The following GREM2 variants were observed in gnomAD, a reference collection of about 807,000 sequenced individuals.
GREM2 encodes gremlin 2, DAN family BMP antagonist, also known as gremlin-2.
GREM2 carries 11 observed loss-of-function variants against 14.2 expected under a neutral mutation model. The observed-to-expected ratio is 0.78, with a 90% CI of 0.49 to 1.28. The LOEUF (loss-of-function observed/expected upper bound fraction) is 1.28. GREM2 is among the 50% of genes most tolerant of loss of function. GREM2 has a pLI of 0.00. For missense variants in GREM2, 210 were observed against 218.5 expected (o/e 0.96, Z 0.24); for synonymous variants, 98 against 97.6 (o/e 1.00, Z -0.02).
chr1:240,546,337 A>G (rs1678716350), intron 1 of GREM2, among the ~76,000 whole-genome samples: 1 of 110,038 alleles, frequency 9.1e-6, no homozygotes, highest in African/African-American at 5.4e-5. Flanking sequence ...AGGGAGACTC[A>G]GTCTAAAAAA....
At chr1:240,582,264 C>T (rs1191004779) in intron 1 of GREM2, among the ~76,000 whole-genome samples, 4 of 152,206 alleles carry the variant, frequency 2.6e-5, no homozygotes, top group South Asian at 2.1e-4. Flanking sequence ...GGTGAAACCC[C>T]GTCTCTACTA....
chr1:240,520,741 C>T (rs1436844643), intron 1 of GREM2, among the ~76,000 whole-genome samples: 1 of 151,874 alleles, frequency 6.6e-6, no homozygotes, highest in African/African-American at 2.4e-5. Context: ...CGAGATTTCA[C>T]CATGTTGCCC....
chr1:240,598,169 G>A (rs957988595), intron 1 of GREM2, among the ~76,000 whole-genome samples: 9 of 152,138 alleles, frequency 5.9e-5, no homozygotes, highest in African/African-American at 2.2e-4. Flanking sequence ...GCAAGAATTA[G>A]GAATGCATAC....
chr1:240,572,453 C>G (rs567719099), intron 1 of GREM2, among the ~76,000 whole-genome samples: 1 of 152,316 alleles, frequency 6.6e-6, no homozygotes, highest in Non-Finnish European at 1.5e-5. Flanking sequence ...TGAAATTAGA[C>G]AAACCACTGG....
intron 1 of GREM2, among the ~76,000 whole-genome samples, chr1:240,529,835 C>T (rs1678313403): frequency 6.6e-6 from 1 of 152,158 alleles, no homozygotes; most frequent in Admixed American, 6.5e-5. Context: ...TAGTCTAGGA[C>T]ATTGACATTT....
intron 1 of GREM2, among the ~76,000 whole-genome samples, chr1:240,560,807 T>G (rs1679022806): frequency 6.6e-6 from 1 of 152,164 alleles, no homozygotes. Flanking sequence ...AGCCGTACCT[T>G]CTCCTCCCTG....
At chr1:240,603,021 T>A (rs1198497242) in intron 1 of GREM2, among the ~76,000 whole-genome samples, 3 of 151,892 alleles carry the variant, frequency 2.0e-5, no homozygotes, top group African/African-American at 7.3e-5. Flanking sequence ...TGCAGTGAGC[T>A]GAGATCGCAC....
chr1:240,495,044 C>T (rs2103269898), intron 1 of GREM2, among the ~76,000 whole-genome samples: 1 of 152,372 alleles, frequency 6.6e-6, no homozygotes, highest in Non-Finnish European at 1.5e-5. Flanking sequence ...AAATTATTCT[C>T]ATGCTATCTA....
At chr1:240,598,723 G>C (rs1054443744) in intron 1 of GREM2, among the ~76,000 whole-genome samples, 1 of 152,184 alleles carries the variant, frequency 6.6e-6, no homozygotes, top group Non-Finnish European at 1.5e-5. Context: ...TAAGTGAGTA[G>C]CCATGGAATA....
chr1:240,494,184 CTCATT>C (rs1259152156), intron 1 of GREM2, among the ~76,000 whole-genome samples: 1 of 152,198 alleles, frequency 6.6e-6, no homozygotes, highest in Non-Finnish European at 1.5e-5. Flanking sequence ...ACATGTATAT[CTCATT>C]TCATCCTAAA....
chr1:240,542,969 C>G lies in GREM2; in HGVS notation c.-1-49493G>C, dbSNP rs1314607481. Among the ~76,000 whole-genome samples the G allele has an allele frequency of 6.6e-6, 1 of 152,172 alleles. No homozygotes were observed. The highest frequency in any genetic ancestry group is 6.5e-5 in the Admixed American group (1 of 15,276). On this transcript the variant is annotated intron_variant, in intron 1 of 1. Transcript: ENST00000318160. This position sits in a 1 kb window ranked among gnomAD's most constrained non-coding sequence, Gnocchi z 4.1. ...TGTAAGATCCCACCAAAAAATATCACCTTCTTTGTGAAGCCTCTTACTTTC... is the reference window on the plus strand; with the variant it reads ...TGTAAGATCCCACCAAAAAATATCAGCTTCTTTGTGAAGCCTCTTACTTTC...
chr1:240,496,468 C>A (rs563081828), intron 1 of GREM2, among the ~76,000 whole-genome samples: 20 of 152,346 alleles, frequency 1.3e-4, no homozygotes, highest in African/African-American at 4.6e-4. Flanking sequence ...TGCTCGGTTA[C>A]CACCTCTGTA....
intron 1 of GREM2, among the ~76,000 whole-genome samples, chr1:240,556,030 T>A (rs902786271): frequency 1.2e-4 from 18 of 152,214 alleles, no homozygotes; most frequent in African/African-American, 3.9e-4. Context: ...CATATCCTAA[T>A]AATGTGTACT....
At chr1:240,575,148 T>C (rs1047747661) in intron 1 of GREM2, among the ~76,000 whole-genome samples, 1 of 151,872 alleles carries the variant, frequency 6.6e-6, no homozygotes, top group Admixed American at 6.6e-5. Flanking sequence ...AATAAAAAAA[T>C]TGATCCTTAG....
intron 1 of GREM2, among the ~76,000 whole-genome samples, chr1:240,526,843 T>C (rs1678234005): frequency 6.6e-6 from 1 of 152,198 alleles, no homozygotes; most frequent in African/African-American, 2.4e-5. Context: ...AGGTTAAAAA[T>C]TGCATTTCTA....
intron 1 of GREM2, among the ~76,000 whole-genome samples, chr1:240,593,318 G>T (rs956307223): frequency 6.6e-6 from 1 of 151,860 alleles, no homozygotes; most frequent in African/African-American, 2.4e-5. Context: ...TCTCTACCAT[G>T]ACATTTATCT....
At chr1:240,503,114 A>G (rs1677605140) in intron 1 of GREM2, among the ~76,000 whole-genome samples, 1 of 152,216 alleles carries the variant, frequency 6.6e-6, no homozygotes, top group Non-Finnish European at 1.5e-5. Context: ...AGAGCACAAA[A>G]TGGAAAGCAA....
At chr1:240,514,082 C>T (rs1677896764) in intron 1 of GREM2, among the ~76,000 whole-genome samples, 1 of 151,386 alleles carries the variant, frequency 6.6e-6, no homozygotes, top group African/African-American at 2.4e-5. Context: ...TATGCCTCTA[C>T]AAAAAAATAC....
intron 1 of GREM2, among the ~76,000 whole-genome samples, chr1:240,607,172 C>T (rs924031846): frequency 1.2e-4 from 19 of 152,140 alleles, no homozygotes; most frequent in African/African-American, 3.9e-4. Flanking sequence ...GAGGGAAGCA[C>T]GTAGAATTGA....
Sources: gnomAD v4.1 joint callset for allele counts (sites outside exome capture counted in the v4.1 genomes callset) on GRCh38, gnomAD v4.1.1 for gene constraint, Gnocchi (gnomAD v3.1) non-coding constraint, MANE v1.5 for transcripts, NCBI Gene and HGNC (gene_info 2026-07-23, HGNC 2026-07-21) for gene names.